SHOC1: variants seen among roughly 807,000 people sequenced by gnomAD.
The protein encoded by SHOC1 is protein shortage in chiasmata 1 ortholog.
In SHOC1, 136 loss-of-function variants were observed where a neutral mutation model predicts 179.2. The ratio of observed to expected loss-of-function variants is 0.76; its 90% confidence interval spans 0.66 to 0.87. The LOEUF (loss-of-function observed/expected upper bound fraction) is 0.87, where lower values mean the gene tolerates loss of function less well. SHOC1 is among the 40% of genes least tolerant of loss of function. The pLI is 0.00. For missense variants in SHOC1, 1,538 were observed against 1,700.8 expected, an observed-to-expected ratio of 0.90 and a Z score of 1.68; for synonymous variants, 489 against 586.6, an observed-to-expected ratio of 0.83 and a Z score of 2.41.
At chr9:111,777,472 G>C (rs1835879930) in intron 4 of SHOC1, among the ~76,000 whole-genome samples, 1 of 152,142 alleles carries the variant, frequency 6.6e-6, no homozygotes, top group African/African-American at 2.4e-5. Context: ...AAAGGTTCGA[G>C]GCAGGATGGA....
chr9:111,753,844 G>T (rs1297422184), intron 8 of SHOC1, among the ~76,000 whole-genome samples: 1 of 152,088 alleles, frequency 6.6e-6, no homozygotes, highest in Non-Finnish European at 1.5e-5. Context: ...CTAAAAAGCC[G>T]AACTTATAGA....
At chr9:111,757,283 T>C (rs1834909380) in intron 7 of SHOC1, among the ~76,000 whole-genome samples, 1 of 152,132 alleles carries the variant, frequency 6.6e-6, no homozygotes, top group Admixed American at 6.5e-5. Context: ...TTTGTATTTT[T>C]AGTAGAGACA....
intron 2 of SHOC1, among the ~76,000 whole-genome samples, chr9:111,786,705 C>A (rs1296510155): frequency 6.6e-6 from 1 of 151,938 alleles, no homozygotes; most frequent in Non-Finnish European, 1.5e-5. Context: ...ATGTTAGTTA[C>A]CATTGTAATT....
intron 18 of SHOC1, among the ~76,000 whole-genome samples, chr9:111,709,403 C>T (rs1209952708): frequency 6.6e-6 from 1 of 152,104 alleles, no homozygotes; most frequent in African/African-American, 2.4e-5. Flanking sequence ...TCGCTATGAT[C>T]CCAAAGCAGA....
In SHOC1 at chr9:111,716,899, T is replaced by C. The variant is rs140781577; in HGVS notation, c.2236+1285A>G. On this transcript the variant is annotated intron_variant, in intron 16 of 27. Transcript: ENST00000682961. ...GTCTCCATCCTCAGACAAGTAAGGA[T>C]TGGGGGCTAAGAACCCTACTTTACA... Among the ~76,000 whole-genome samples, 794 of 152,280 alleles carry C rather than the reference T, an allele frequency of 5.2e-3. 3 individuals are homozygous for C. Among genetic ancestry groups the C allele is most frequent in the Non-Finnish European group, 8.9e-3 (607 of 68,012 alleles).
At chr9:111,769,471 T>C (rs1163716631) in intron 5 of SHOC1, among the ~76,000 whole-genome samples, 1 of 152,104 alleles carries the variant, frequency 6.6e-6, no homozygotes, top group East Asian at 1.9e-4. Context: ...TTCTTCATAG[T>C]TCAAACTTTT....
At chr9:111,690,706 A>G (rs1831386528) in intron 27 of SHOC1, among the ~76,000 whole-genome samples, 1 of 152,202 alleles carries the variant, frequency 6.6e-6, no homozygotes, top group Admixed American at 6.5e-5. Flanking sequence ...TTCCCATTAA[A>G]GTGAGGAACA....
At chr9:111,732,325 T>C (rs1833611400) in intron 12 of SHOC1, among the ~76,000 whole-genome samples, 1 of 152,202 alleles carries the variant, frequency 6.6e-6, no homozygotes, top group Admixed American at 6.5e-5. Flanking sequence ...GGCTCACACC[T>C]GTAATCCCAG....
intron 12 of SHOC1, among the ~76,000 whole-genome samples, chr9:111,731,219 G>A (rs13298329): frequency 0.055 from 8,330 of 152,178 alleles, 555 homozygotes; most frequent in African/African-American, 0.16. Flanking sequence ...CTTATCATTT[G>A]TGTGTTCACT....
chr9:111,731,083 A>G (rs1589418646), intron 12 of SHOC1, among the ~76,000 whole-genome samples: 1 of 152,182 alleles, frequency 6.6e-6, no homozygotes, highest in African/African-American at 2.4e-5. Context: ...CTCAGCCTTC[A>G]TAGAATCAAA....
chr9:111,789,729 A>G (rs1000500954), intron 2 of SHOC1, among the ~76,000 whole-genome samples: 1 of 152,222 alleles, frequency 6.6e-6, no homozygotes, highest in African/African-American at 2.4e-5. Flanking sequence ...GTTGGATACC[A>G]GCAGAAACCA....
intron 2 of SHOC1, among the ~76,000 whole-genome samples, chr9:111,790,530 T>C (rs1327385659): frequency 6.6e-6 from 1 of 152,216 alleles, no homozygotes; most frequent in Admixed American, 6.5e-5. Flanking sequence ...TATTTTAATT[T>C]AATAATTTCC....
chr9:111,706,467 C>A (rs1469002059), intron 20 of SHOC1, 101 bp downstream of exon 20: 5 of 844,492 alleles, frequency 5.9e-6, no homozygotes, highest in Admixed American at 6.7e-5. Flanking sequence ...GAACTCAAGG[C>A]TTCTAATGTC....
chr9:111,761,677 T>C (rs777998708), intron 5 of SHOC1, among the ~76,000 whole-genome samples: 3 of 152,172 alleles, frequency 2.0e-5, no homozygotes, highest in Non-Finnish European at 4.4e-5. Context: ...TTAATACCTT[T>C]ACATATAAAG....
intron 4 of SHOC1, among the ~76,000 whole-genome samples, chr9:111,778,209 G>C (rs1835901639): frequency 6.6e-6 from 1 of 151,822 alleles, no homozygotes; most frequent in Admixed American, 6.5e-5. Flanking sequence ...TGCATAACCT[G>C]TGGACACTGG....
chr9:111,718,100 G>A, intron 16 of SHOC1, 84 bp downstream of exon 16: 5 of 884,808 alleles, frequency 5.7e-6, no homozygotes, highest in Non-Finnish European at 8.8e-6. Context: ...TTTCTTATAA[G>A]GTGTATCTTT....
chr9:111,757,579 C>T (rs1834925285), intron 7 of SHOC1, among the ~76,000 whole-genome samples: 1 of 152,148 alleles, frequency 6.6e-6, no homozygotes, highest in Non-Finnish European at 1.5e-5. Context: ...GAAGTTTGGC[C>T]TTTAATATGC....
intron 8 of SHOC1, among the ~76,000 whole-genome samples, chr9:111,754,498 C>A (rs1429469714): frequency 6.6e-6 from 1 of 152,162 alleles, no homozygotes. Context: ...GGAACCCTCA[C>A]ACATTGTTGG....
At chr9:111,701,207 A>C (rs916189916) in intron 23 of SHOC1, among the ~76,000 whole-genome samples, 3 of 152,326 alleles carry the variant, frequency 2.0e-5, no homozygotes, top group African/African-American at 7.2e-5. Flanking sequence ...CACTAACATA[A>C]TTCAAACAAT....
Sources: allele counts gnomAD v4.1 joint callset (sites outside exome capture counted in the v4.1 genomes callset), GRCh38; gene constraint gnomAD v4.1.1; transcripts MANE v1.5; gene names NCBI Gene and HGNC (gene_info 2026-07-23, HGNC 2026-07-21).